Variants in SCO2 observed in about 807,000 individuals in gnomAD.
SCO2 encodes the protein synthesis of cytochrome C oxidase 2.
For missense variants in SCO2, 429 were observed against 348.7 expected (o/e 1.23, Z -1.83); for synonymous variants, 195 against 148.6 (o/e 1.31, Z -2.27).
upstream of SCO2, chr22:50,525,760 C>A (rs369012029): frequency 8.1e-6 from 13 of 1,610,126 alleles, no homozygotes; most frequent in Non-Finnish European, 1.1e-5. Context: ...GGTTTCGCGG[C>A]AAAGGAGCTT....
chr22:50,524,599 A>C, intron 1 of SCO2, 175 bp from the exon 2 acceptor site: 2 of 712,554 alleles, frequency 2.8e-6, no homozygotes, highest in East Asian at 2.7e-5. Flanking sequence ...AAACATCCAC[A>C]CCTGGGCAAC....
upstream of SCO2, chr22:50,525,604 A>C: frequency 1.9e-6 from 2 of 1,048,878 alleles, no homozygotes; most frequent in Non-Finnish European, 1.4e-6. Context: ...GCGTCCCCGG[A>C]GCTGCGCATG....
At chr22:50,525,404 G>T (rs999998598) in intron 1 of SCO2, 68 bp downstream of exon 1, 46 of 321,520 alleles carry the variant, frequency 1.4e-4, no homozygotes, top group Middle Eastern at 1.0e-3. Context: ...GCCGGAGCTG[G>T]GAAACTACCC....
intron 1 of SCO2, chr22:50,524,710 G>A: frequency 1.6e-6 from 1 of 629,178 alleles, no homozygotes; most frequent in South Asian, 1.5e-5. Flanking sequence ...CTGACGGAAA[G>A]CATTCCAAGT....
chr22:50,524,872 T>C (rs1227380933), intron 1 of SCO2: 1 of 356,802 alleles, frequency 2.8e-6, no homozygotes, highest in African/African-American at 2.2e-5. Context: ...AACCGCGGCC[T>C]TCCTCCACAC....
upstream of SCO2, chr22:50,525,668 C>T (rs1326066955): frequency 6.6e-6 from 10 of 1,522,084 alleles, no homozygotes; most frequent in Admixed American, 5.9e-5. Flanking sequence ...GAAGGCGGAG[C>T]CCGCCGGGGG....
chr22:50,525,698 G>A (rs1298157927), upstream of SCO2: 3 of 1,561,722 alleles, frequency 1.9e-6, no homozygotes, highest in Middle Eastern at 1.9e-4. Flanking sequence ...CATCGAGACG[G>A]CCCCCGCCTC....
upstream of SCO2, chr22:50,526,180 G>C (rs1444142464): frequency 6.8e-7 from 1 of 1,472,948 alleles, no homozygotes; most frequent in Non-Finnish European, 9.0e-7. Flanking sequence ...GCTCGGGAAG[G>C]GGCGGGGCCT....
upstream of SCO2, chr22:50,526,049 C>T (rs1413594155): frequency 2.3e-5 from 34 of 1,482,028 alleles, no homozygotes; most frequent in Non-Finnish European, 2.8e-5. Context: ...GCGCCCACCC[C>T]CAGGCGGAGC....
At chr22:50,526,400 G>A (rs1211483613), upstream of SCO2, 2 of 1,518,694 alleles carry the variant, frequency 1.3e-6, no homozygotes, top group Non-Finnish European at 1.7e-6. Flanking sequence ...CCGAGCCGTC[G>A]TCCAGCGCCG....
At position 50,524,081 on chromosome 22, in the gene SCO2, C is replaced by T. The variant is rs767965327; in HGVS notation, c.331G>A (p.Gly111Ser). Residue 111 changes from glycine to serine, a missense_variant, in exon 2 of 2, where the codon GGC becomes AGC. Coordinates refer to ENST00000395693, the MANE Select transcript of SCO2 (RefSeq NM_005138.3). ...QGDFHLLDHRGRARCKADFRG... is the reference protein window; with the variant it reads ...QGDFHLLDHRSRARCKADFRG... ...AAGTCAGCCTTGCAGCGAGCCCGGCCTCTGTGATCCAGCAGGTGGAAGTCG... is the reference window on the plus strand; with the variant it reads ...AAGTCAGCCTTGCAGCGAGCCCGGCTTCTGTGATCCAGCAGGTGGAAGTCG... 6.2e-7 allele frequency: 1 copy of T among 1,613,210 alleles called. No individual in the cohort carries two copies. Among genetic ancestry groups the T allele is most frequent in the South Asian group, 1.1e-5 (1 of 91,086 alleles).
upstream of SCO2, chr22:50,526,271 C>G (rs1312378484): frequency 6.5e-7 from 1 of 1,542,428 alleles, no homozygotes; most frequent in Non-Finnish European, 8.7e-7. Context: ...GCAGCTCCTC[C>G]TGCTCCCGGG....
chr22:50,525,731 C>T (rs371962404), upstream of SCO2: 7 of 1,599,592 alleles, frequency 4.4e-6, no homozygotes, highest in Middle Eastern at 1.7e-4. Context: ...TCCTTCCGCT[C>T]CCGCCCAAGC....
upstream of SCO2, chr22:50,525,698 G>GC (rs1053851719): frequency 2.1e-5 from 33 of 1,561,724 alleles, no homozygotes; most frequent in Middle Eastern, 1.9e-4. Context: ...CATCGAGACG[G>GC]CCCCCGCCTC....
upstream of SCO2, chr22:50,526,055 G>A (rs896269132): frequency 6.1e-6 from 9 of 1,481,762 alleles, no homozygotes; most frequent in South Asian, 2.5e-5. Context: ...ACCCCCAGGC[G>A]GAGCGGCTCC....
Position 50,524,051 on chromosome 22 carries a change from C to T in SCO2, c.361G>A (p.Gly121Ser). The T allele has an allele frequency of 6.2e-7, 1 of 1,613,462 alleles. No homozygotes were observed. Among genetic ancestry groups the T allele is most frequent in the Non-Finnish European group, 8.5e-7 (1 of 1,180,030 alleles). Residue 121 changes from glycine to serine, a missense_variant, in exon 2 of 2, where the codon GGC becomes AGC. Transcript: ENST00000395693. Reference sequence around the variant, plus strand: ...CCAAAGTACATCAGCACCCACTGGCCCCGGAAGTCAGCCTTGCAGCGAGCC... The same window carrying T: ...CCAAAGTACATCAGCACCCACTGGCTCCGGAAGTCAGCCTTGCAGCGAGCC... ...GRARCKADFRGQWVLMYFGFT... is the reference protein window; with the variant it reads ...GRARCKADFRSQWVLMYFGFT...
At chr22:50,525,969 T>TGCGGGGCCAGCAGGGCGGGGGC (rs1556486232), upstream of SCO2, 10 of 1,372,680 alleles carry the variant, frequency 7.3e-6, no homozygotes, top group East Asian at 3.0e-5. Flanking sequence ...TGGGCGGGGG[T>TGCGGGGCCAGCAGGGCGGGGGC]GCGGGGCCAG....
upstream of SCO2, chr22:50,525,985 CG>C: frequency 2.1e-6 from 3 of 1,396,676 alleles, no homozygotes; most frequent in Admixed American, 3.3e-5. Flanking sequence ...GCCAGCAGGG[CG>C]GGGGCGGCGC....
chr22:50,525,974 G>C (rs976138443), upstream of SCO2: 6 of 1,387,814 alleles, frequency 4.3e-6, no homozygotes, highest in Non-Finnish European at 5.6e-6. Flanking sequence ...GGGGGTGCGG[G>C]GCCAGCAGGG....
Sources: gnomAD v4.1 joint callset for allele counts on GRCh38, gnomAD v4.1.1 for gene constraint, MANE v1.5 for transcripts, NCBI Gene and HGNC (gene_info 2026-07-23, HGNC 2026-07-21) for gene names.